Variants in GAS7 observed in about 807,000 individuals in gnomAD.
The protein encoded by GAS7 is growth arrest specific 7.
GAS7 carries 28 observed loss-of-function variants against 71.1 expected under a neutral mutation model. That is an observed-to-expected ratio of 0.39 (90% confidence interval 0.29 to 0.54). The LOEUF (loss-of-function observed/expected upper bound fraction) is 0.54, where lower values mean the gene tolerates loss of function less well. Ranked by LOEUF, GAS7 falls within the 20% of genes least tolerant of loss-of-function variation. The pLI, the probability that GAS7 is intolerant of heterozygous loss-of-function variation, is 0.62. For synonymous variants in GAS7, 258 were observed against 245.8 expected, an observed-to-expected ratio of 1.05 and a Z score of -0.46; for missense variants, 436 against 627.8, an observed-to-expected ratio of 0.69 and a Z score of 3.27.
chr17:9,955,248 C>T (rs547094325), intron 5 of GAS7, among the ~76,000 whole-genome samples: 21 of 152,242 alleles, frequency 1.4e-4, no homozygotes, highest in East Asian at 9.7e-4. Context: ...CAGGACTTTC[C>T]GCATGTGGAT....
intron 2 of GAS7, among the ~76,000 whole-genome samples, chr17:9,995,759 A>C (rs2071017872): frequency 6.6e-6 from 1 of 152,194 alleles, no homozygotes; most frequent in Non-Finnish European, 1.5e-5. Flanking sequence ...TTTTGACCTA[A>C]CAATAGCTTT....
At chr17:9,937,971 G>A (rs899911205) in intron 8 of GAS7, among the ~76,000 whole-genome samples, 2 of 152,216 alleles carry the variant, frequency 1.3e-5, no homozygotes, top group Middle Eastern at 3.4e-3. Flanking sequence ...CGATCCAGGC[G>A]CATTTAGGAC....
chr17:9,979,544 G>T (rs2070332003), intron 3 of GAS7, among the ~76,000 whole-genome samples: 1 of 152,194 alleles, frequency 6.6e-6, no homozygotes, highest in African/African-American at 2.4e-5. Flanking sequence ...CATCCCTTCT[G>T]CAGGACAGCC....
Position 9,919,747 on chromosome 17 carries a change from T to C in GAS7, c.1139-42A>G. 1.4e-6 allele frequency: 2 copies of C among 1,395,290 alleles called. No homozygotes were observed. Among genetic ancestry groups the C allele is most frequent in the East Asian group, 4.6e-5 (2 of 43,858 alleles). The allele number at this position is 1,395,290 out of a possible 1,614,324, so 86.4% of individuals were successfully genotyped here. A position where few individuals can be genotyped will look rare whatever the true frequency, so the allele number is the denominator to read the frequency against. On this transcript the variant is annotated intron_variant, in intron 11 of 13. Transcript: ENST00000432992. This position sits in a 1 kb window ranked among gnomAD's most constrained non-coding sequence, Gnocchi z 5.0. The stretch of plus-strand genomic sequence containing the variant: ...GTCACCATCATGAAGCATCCTATCC[T>C]CACCATGACTCTGTGCCCCACCCTG...
intron 1 of GAS7, among the ~76,000 whole-genome samples, chr17:10,057,053 C>T (rs1258516238): frequency 6.6e-6 from 1 of 152,194 alleles, no homozygotes; most frequent in Non-Finnish European, 1.5e-5. Context: ...GCCTCGGCCT[C>T]CCGAGGTGCC....
intron 1 of GAS7, among the ~76,000 whole-genome samples, chr17:10,166,628 C>T (rs11651122): frequency 0.2 from 30,671 of 152,058 alleles, 3,447 homozygotes; most frequent in African/African-American, 0.29. Context: ...CACATTTTGT[C>T]GTTGTTGGTT....
At chr17:10,124,871 T>G (rs1399330825) in intron 1 of GAS7, among the ~76,000 whole-genome samples, 1 of 151,982 alleles carries the variant, frequency 6.6e-6, no homozygotes, top group African/African-American at 2.4e-5. Flanking sequence ...TGAGCCGAGT[T>G]CGCGCTACTG....
Position 10,085,528 on chromosome 17 carries a change from C to CA in GAS7, c.184-65632dup, listed in dbSNP as rs565519157. Among the ~76,000 whole-genome samples the CA allele has an allele frequency of 1.0e-3, 151 of 150,702 alleles. 1 individual carries two copies. In the East Asian group the frequency reaches 0.01, roughly 10 times the overall value. On this transcript the variant is annotated intron_variant, in intron 1 of 13. Coordinates refer to ENST00000432992, the MANE Select transcript of GAS7 (RefSeq NM_201433.2). ...GAAACCCCGTCTCTACTAAAAATAC[C>CA]AAAAAAAATAAAAATTAGCCAGGCA... is the stretch of plus-strand genomic sequence containing the variant.
intron 8 of GAS7, among the ~76,000 whole-genome samples, chr17:9,936,765 G>A (rs749995800): frequency 1.3e-5 from 2 of 152,160 alleles, no homozygotes; most frequent in East Asian, 1.9e-4. Context: ...TTTCAGGTAC[G>A]CCAAATCAAA....
At chr17:10,173,542 G>A (rs1261410777) in intron 1 of GAS7, among the ~76,000 whole-genome samples, 4 of 152,090 alleles carry the variant, frequency 2.6e-5, no homozygotes, top group African/African-American at 4.8e-5. Context: ...GCAGAGATGG[G>A]CGGATCACAA....
intron 2 of GAS7, among the ~76,000 whole-genome samples, chr17:10,009,698 A>ACAAC (rs1567888040): frequency 6.6e-6 from 1 of 151,698 alleles, no homozygotes; most frequent in African/African-American, 2.4e-5. Context: ...AACCAAACAA[A>ACAAC]AAATAAAACA....
chr17:10,094,478 C>CT (rs1044555622), intron 1 of GAS7, among the ~76,000 whole-genome samples: 31 of 151,580 alleles, frequency 2.0e-4, no homozygotes, highest in South Asian at 1.7e-3. Context: ...TCTTTTTTTT[C>CT]TTTTTTTTGA....
intron 1 of GAS7, among the ~76,000 whole-genome samples, chr17:10,078,015 T>C (rs12452693): frequency 0.53 from 80,312 of 151,474 alleles, 22,150 homozygotes; most frequent in African/African-American, 0.67. Context: ...TATGTGGTGA[T>C]AGGTGACAGT....
In GAS7 at chr17:10,198,214, C is replaced by T. The variant is rs771391238; in HGVS notation, c.177G>A (p.Leu59=). The change falls in exon 1 of 14, where the codon TTG becomes TTA. Residue 59 remains leucine, a synonymous_variant. Transcript: ENST00000432992. ...CCCGGCCCTCGCCCCTTACCTCCAG[C>T]AACTGCACGTAGCTCGCCGGGAACC... ...RGWFPASYVQ[L]LEKPGMVPPP... The T allele has an allele frequency of 1.2e-6, 2 of 1,607,960 alleles. No homozygotes were observed. The highest frequency in any genetic ancestry group is 8.5e-7 in the Non-Finnish European group (1 of 1,179,344).
chr17:9,968,222 A>G (rs537628151), intron 4 of GAS7, among the ~76,000 whole-genome samples: 1 of 152,320 alleles, frequency 6.6e-6, no homozygotes, highest in East Asian at 1.9e-4. Flanking sequence ...AAACATACAA[A>G]GCCACGGTTG....
At chr17:10,122,714 A>G (rs1227550083) in intron 1 of GAS7, among the ~76,000 whole-genome samples, 2 of 152,228 alleles carry the variant, frequency 1.3e-5, no homozygotes, top group Non-Finnish European at 2.9e-5. Flanking sequence ...ACTACCTCAG[A>G]CAGTTGTACA....
chr17:9,916,581 T>G lies in GAS7; in HGVS notation c.*647A>C. ...TTCAGCGCTCAATTTGGGGCTAATT[T>G]GCCGAATGAGGTAGTTCCATCCTGA... On this transcript the variant is annotated 3_prime_UTR_variant, in exon 14 of 14. Transcript: ENST00000432992. 1 of 253,414 alleles carries G rather than the reference T, an allele frequency of 3.9e-6. No homozygotes were observed. Among genetic ancestry groups the G allele is most frequent in the Non-Finnish European group, 7.6e-6 (1 of 132,108 alleles). 15.7% of individuals were successfully genotyped at this position (253,414 alleles called of 1,614,324 possible).
chr17:10,192,395 T>G (rs2074509179), intron 1 of GAS7, among the ~76,000 whole-genome samples: 1 of 152,204 alleles, frequency 6.6e-6, no homozygotes, highest in South Asian at 2.1e-4. Flanking sequence ...CAAAATACCT[T>G]ACATGTACAC....
At chr17:10,132,438 C>CGG (rs1341446858) in intron 1 of GAS7, among the ~76,000 whole-genome samples, 1 of 152,166 alleles carries the variant, frequency 6.6e-6, no homozygotes, top group African/African-American at 2.4e-5. Flanking sequence ...CATGTGGTAT[C>CGG]ACATTTAAAG....
Sources: allele counts gnomAD v4.1 joint callset (sites outside exome capture counted in the v4.1 genomes callset), GRCh38; gene constraint gnomAD v4.1.1; non-coding constraint Gnocchi (gnomAD v3.1); transcripts MANE v1.5; gene names NCBI Gene and HGNC (gene_info 2026-07-23, HGNC 2026-07-21).